Variants in C16orf96 observed in about 807,000 individuals in gnomAD.
C16orf96 encodes chromosome 16 open reading frame 96.
In C16orf96, 108 loss-of-function variants were observed where a neutral mutation model predicts 103.6. The observed-to-expected ratio is 1.04, with a 90% CI of 0.89 to 1.22. The LOEUF (loss-of-function observed/expected upper bound fraction) is 1.22. Ranked by LOEUF, C16orf96 falls within the 50% of genes most tolerant of loss-of-function variation. The pLI is 0.00. For synonymous variants in C16orf96, 566 were observed against 593.5 expected, an observed-to-expected ratio of 0.95 and a Z score of 0.67; for missense variants, 1,586 against 1,464.2, an observed-to-expected ratio of 1.08 and a Z score of -1.36.
chr16:4,599,427 C>G (rs531535047), intron 15 of C16orf96, 63 bp downstream of exon 15: 10 of 1,389,194 alleles, frequency 7.2e-6, no homozygotes, highest in Non-Finnish European at 1.0e-5. Context: ...AGTCCCTCCT[C>G]GTCTCATCCC....
At chr16:4,588,930 C>T (rs1439266386) in intron 9 of C16orf96, among the ~76,000 whole-genome samples, 1 of 152,080 alleles carries the variant, frequency 6.6e-6, no homozygotes, top group African/African-American at 2.4e-5. Context: ...GTCCAGCCAC[C>T]TCAGTTGCAA....
rs1245519156 is a variant in C16orf96, at chr16:4,576,467, C to T, written c.1987C>T (p.Leu663=). Residue 663 remains leucine, a synonymous_variant, in exon 5 of 16, where the codon CTG becomes TTG. Transcript: ENST00000444310. ...TGCCAGCATCGGTCCCGATCCAGCC[C>T]TGTCCCAGGCCATGGTGGCTACCAA... is the stretch of plus-strand genomic sequence containing the variant. ...SAASIGPDPA[L]SQAMVATKQA... 1.3e-6 allele frequency: 2 copies of T among 1,551,390 alleles called. No individual in the cohort carries two copies. The highest frequency in any genetic ancestry group is 2.7e-5 in the African/African-American group (2 of 73,072).
chr16:4,543,960 A>T, the C16orf96 span, among the ~76,000 whole-genome samples: 2 of 152,082 alleles, frequency 1.3e-5, no homozygotes, highest in African/African-American at 4.8e-5. Context: ...TGTTTTAGAC[A>T]AATCATTCTG....
chr16:4,571,851 TTTTC>T (rs2059442412), intron 2 of C16orf96, among the ~76,000 whole-genome samples, 186 bp downstream of exon 2: 1 of 148,572 alleles, frequency 6.7e-6, no homozygotes, highest in African/African-American at 2.5e-5. Context: ...CTTTCTTTTC[TTTTC>T]TTTTTTTTTT....
intron 14 of C16orf96, among the ~76,000 whole-genome samples, chr16:4,595,393 G>T (rs1015624283): frequency 3.9e-5 from 6 of 152,202 alleles, no homozygotes; most frequent in African/African-American, 1.4e-4. Flanking sequence ...GGCAAGGGTT[G>T]GGCCAGCGGG....
In C16orf96 at chr16:4,587,084, A is replaced by G; in HGVS notation, c.2398A>G (p.Lys800Glu). Residue 800 changes from lysine (K) to glutamate (E), a missense_variant, in exon 8 of 16, where the codon AAG becomes GAG. Coordinates refer to ENST00000444310, the MANE Select transcript of C16orf96 (RefSeq NM_001145011.2). ...IKRLEMNKVN[K>E]STMEEELREK... ...AAGACTGGAAATGAACAAGGTGAAT[A>G]AGAGCACGATGGAGGAGGAGCTGAG... is the stretch of plus-strand genomic sequence containing the variant. 1 of 1,551,648 alleles carries G rather than the reference A, an allele frequency of 6.4e-7. No individual in the cohort carries two copies. Among genetic ancestry groups the G allele is most frequent in the Admixed American group, 2.0e-5 (1 of 51,012 alleles).
intron 1 of C16orf96, among the ~76,000 whole-genome samples, chr16:4,569,104 G>C (rs1034884197): frequency 1.3e-5 from 2 of 151,830 alleles, no homozygotes; most frequent in African/African-American, 4.8e-5. Context: ...CAAGTAGCTG[G>C]GATTACAGGC....
the C16orf96 span, among the ~76,000 whole-genome samples, chr16:4,543,618 C>G: frequency 6.6e-6 from 1 of 151,884 alleles, no homozygotes; most frequent in African/African-American, 2.4e-5. Flanking sequence ...AGTCACCATA[C>G]CTAGCCATGA....
In C16orf96 at chr16:4,575,431, AC is replaced by A. The variant is rs2059491632; in HGVS notation, c.953del (p.Pro318LeufsTer41). On this transcript the variant is annotated frameshift_variant, in exon 5 of 16. Transcript: ENST00000444310. LOFTEE classifies it high-confidence loss of function. ...QPPALTPESA[P>X]GCTTEFAPGP... is the part of the protein sequence containing the mutation. Reference sequence around the variant, plus strand: ...CTCCGGCCCTCACGCCTGAGTCTGCACCTGGGTGCACAACTGAATTTGCACC... The same window carrying A: ...CTCCGGCCCTCACGCCTGAGTCTGCACTGGGTGCACAACTGAATTTGCACC... 1 of 1,549,422 alleles carries A rather than the reference AC, an allele frequency of 6.5e-7. No individual in the cohort carries two copies.
intron 1 of C16orf96, among the ~76,000 whole-genome samples, chr16:4,559,807 G>T (rs192400373): frequency 6.6e-6 from 1 of 151,998 alleles, no homozygotes; most frequent in African/African-American, 2.4e-5. Context: ...TCTGTCTTAC[G>T]GATTTGCCTA....
chr16:4,589,940 G>A (rs1897018838), intron 9 of C16orf96, among the ~76,000 whole-genome samples: 1 of 151,174 alleles, frequency 6.6e-6, no homozygotes. Flanking sequence ...TGACCAACAC[G>A]GTGAAACCCC....
upstream of C16orf96, among the ~76,000 whole-genome samples, chr16:4,552,460 C>T (rs1470029218): frequency 1.4e-4 from 19 of 134,376 alleles, no homozygotes; most frequent in East Asian, 1.1e-3. Context: ...CCAGCCTGGG[C>T]GACAGTGTTA....
chr16:4,576,202 C>CGCT lies in C16orf96; in HGVS notation c.1724_1725insTGC (p.Ala577dup). ...CCACCGCTGCCATCGCCGCCGCTGC[C>CGCT]GCCGCAGCCTACGCCGCTGCCACAT... On this transcript the variant is annotated inframe_insertion, in exon 5 of 16. Transcript: ENST00000444310. The CGCT allele has an allele frequency of 1.3e-6, 2 of 1,550,646 alleles. No individual in the cohort carries two copies. The highest frequency in any genetic ancestry group is 3.9e-5 in the Admixed American group (2 of 51,002).
In C16orf96 at chr16:4,578,983, A is replaced by C. The variant is rs1270051908; in HGVS notation, c.2199A>C (p.Ile733=). 3.9e-6 allele frequency: 6 copies of C among 1,551,344 alleles called. No homozygotes were observed. The highest frequency in any genetic ancestry group is 4.4e-6 in the Non-Finnish European group (5 of 1,146,920). ...GPSSLGTTVD[I]LQKKIGSLQK... ...CCAGCCTCGGGACAACAGTGGACAT[A>C]TTGCAGAAAAAGATTGGCAGCCTCC... is the stretch of plus-strand genomic sequence containing the variant. The change falls in exon 6 of 16, where the codon ATA becomes ATC. Residue 733 remains isoleucine (I), a synonymous_variant. Coordinates refer to ENST00000444310, the MANE Select transcript of C16orf96 (RefSeq NM_001145011.2).
the C16orf96 span, among the ~76,000 whole-genome samples, chr16:4,542,217 T>A: frequency 6.6e-6 from 1 of 152,252 alleles, no homozygotes; most frequent in Admixed American, 6.5e-5. Flanking sequence ...ATTAAAAAAT[T>A]AGCCAGCTGT....
In C16orf96 at chr16:4,576,045, G is replaced by C. The variant is rs1567446515; in HGVS notation, c.1565G>C (p.Arg522Thr). Residue 522 changes from arginine to threonine, a missense_variant, in exon 5 of 16, where the codon AGA becomes ACA. Arg to Thr is a moderately conservative substitution (Grantham distance 71, BLOSUM62 -1). Coordinates refer to ENST00000444310, the MANE Select transcript of C16orf96 (RefSeq NM_001145011.2). ...RGGKDVDPKD[R>T]AHKDDVPKDR... ...GGCAAGGATGTGGACCCCAAGGATAGAGCTCACAAGGATGATGTCCCCAAA... is the reference window on the plus strand; with the variant it reads ...GGCAAGGATGTGGACCCCAAGGATACAGCTCACAAGGATGATGTCCCCAAA... The C allele has an allele frequency of 1.9e-6, 3 of 1,551,330 alleles. No homozygotes were observed. Among genetic ancestry groups the C allele is most frequent in the East Asian group, 2.4e-5 (1 of 40,914 alleles).
At chr16:4,551,708 T>C (rs2059228992), upstream of C16orf96, among the ~76,000 whole-genome samples, 1 of 152,112 alleles carries the variant, frequency 6.6e-6, no homozygotes, top group African/African-American at 2.4e-5. Flanking sequence ...CACCTCGGCC[T>C]CCCAAAGTGC....
At chr16:4,569,744 T>G (rs2059417502) in intron 1 of C16orf96, among the ~76,000 whole-genome samples, 1 of 151,692 alleles carries the variant, frequency 6.6e-6, no homozygotes, top group Non-Finnish European at 1.5e-5. Flanking sequence ...GACCCCTCCT[T>G]CACCAGTCAC....
chr16:4,539,261 G>A, the C16orf96 span, among the ~76,000 whole-genome samples: 1 of 152,258 alleles, frequency 6.6e-6, no homozygotes, highest in Admixed American at 6.5e-5. Flanking sequence ...ACTAACTTTG[G>A]GAGCAACTTA....
Sources: allele counts gnomAD v4.1 joint callset (sites outside exome capture counted in the v4.1 genomes callset), GRCh38; gene constraint gnomAD v4.1.1; transcripts MANE v1.5; gene names NCBI Gene and HGNC (gene_info 2026-07-23, HGNC 2026-07-21).